The following KIAA1217 variants were observed in gnomAD, a reference collection of about 807,000 sequenced individuals.
KIAA1217 encodes sickle tail protein homolog.
A neutral mutation model predicts 163.9 loss-of-function variants in KIAA1217; 88 were observed. The ratio of observed to expected loss-of-function variants is 0.54; its 90% CI spans 0.45 to 0.64. KIAA1217 has a LOEUF of 0.64. Ranked by LOEUF, KIAA1217 falls within the 30% of genes least tolerant of loss-of-function variation. The pLI, the probability that KIAA1217 is intolerant of heterozygous loss-of-function variation, is 0.00. For synonymous variants in KIAA1217, 903 were observed against 923.1 expected (o/e 0.98, Z 0.39); for missense variants, 2,372 against 2,475.0 (o/e 0.96, Z 0.88).
At chr10:24,275,750 A>C in intron 2 of KIAA1217, 1 of 531,480 alleles carries the variant, frequency 1.9e-6, no homozygotes, top group Non-Finnish European at 3.9e-6. Flanking sequence ...AATGGCACAC[A>C]CTGCAATTAC....
chr10:24,141,845 C>A (rs2064096346), intron 2 of KIAA1217, among the ~76,000 whole-genome samples: 1 of 149,276 alleles, frequency 6.7e-6, no homozygotes, highest in South Asian at 2.2e-4. Context: ...ACCTCCAGAA[C>A]TGTGAGACAT....
chr10:24,231,319 A>T lies in KIAA1217; in HGVS notation c.354+11410A>T, dbSNP rs1177156612. ...TAACGGAGTGCGACTCTGTCTCAAA[A>T]ATAAATAAGTAAATAATAAAGAAGC... On this transcript the variant is annotated intron_variant, in intron 2 of 20. Transcript: ENST00000376454. Among the ~76,000 whole-genome samples the T allele has an allele frequency of 2.6e-5, 4 of 152,144 alleles. No homozygotes were observed. The East Asian group carries it at 7.7e-4, about 29-fold the overall frequency.
chr10:24,097,762 T>A (rs1178233888), intron 2 of KIAA1217, among the ~76,000 whole-genome samples: 1 of 152,090 alleles, frequency 6.6e-6, no homozygotes, highest in Admixed American at 6.5e-5. Context: ...GCATACCTCT[T>A]CCAAATCAGG....
intron 2 of KIAA1217, among the ~76,000 whole-genome samples, chr10:24,164,723 C>T (rs1392888209): frequency 2.0e-5 from 3 of 152,086 alleles, no homozygotes; most frequent in Middle Eastern, 3.2e-3. Context: ...CTTGTGTATC[C>T]CACGTAATTA....
chr10:24,071,944 A>T (rs1009303289), intron 2 of KIAA1217, among the ~76,000 whole-genome samples: 15 of 152,222 alleles, frequency 9.9e-5, no homozygotes, highest in African/African-American at 3.4e-4. Flanking sequence ...AACTTAGTGT[A>T]CAGAATCCTG....
intron 1 of KIAA1217, among the ~76,000 whole-genome samples, chr10:23,971,271 C>T (rs1482160759): frequency 6.6e-6 from 1 of 152,222 alleles, no homozygotes; most frequent in African/African-American, 2.4e-5. Flanking sequence ...TTAAACTCCA[C>T]CATTTTGCAT....
chr10:24,346,403 C>T (rs1490764069), intron 2 of KIAA1217, among the ~76,000 whole-genome samples: 17 of 151,654 alleles, frequency 1.1e-4, no homozygotes, highest in South Asian at 2.1e-4. Flanking sequence ...ACCCAGGAGG[C>T]GGAGCTTGCA....
At chr10:23,794,313 G>A (rs1158690955) in intron 1 of KIAA1217, among the ~76,000 whole-genome samples, 1 of 152,174 alleles carries the variant, frequency 6.6e-6, no homozygotes, top group African/African-American at 2.4e-5. Context: ...CATCAGGGCA[G>A]GGGGTAAAAA....
chr10:24,496,817 A>G (rs2066844382), intron 8 of KIAA1217, among the ~76,000 whole-genome samples: 1 of 152,014 alleles, frequency 6.6e-6, no homozygotes, highest in African/African-American at 2.4e-5. Context: ...TGTTCTAAAA[A>G]CTCTTGTCAA....
At chr10:24,249,613 C>T (rs2074245116) in intron 2 of KIAA1217, among the ~76,000 whole-genome samples, 1 of 152,142 alleles carries the variant, frequency 6.6e-6, no homozygotes, top group African/African-American at 2.4e-5. Context: ...CATGCCAATG[C>T]AATACAATAA....
intron 1 of KIAA1217, among the ~76,000 whole-genome samples, chr10:23,940,174 A>C (rs559181812): frequency 9.2e-5 from 14 of 152,220 alleles, no homozygotes; most frequent in African/African-American, 3.1e-4. Flanking sequence ...AAATTTCAGC[A>C]GTTGGCTGAG....
intron 2 of KIAA1217, among the ~76,000 whole-genome samples, chr10:24,099,765 G>C (rs1185010564): frequency 2.1e-4 from 25 of 118,432 alleles, no homozygotes; most frequent in African/African-American, 8.0e-4. Flanking sequence ...ACAGTCCCCG[G>C]TGTGTGATGT....
At chr10:23,802,674 G>A (rs1836528716) in intron 1 of KIAA1217, among the ~76,000 whole-genome samples, 3 of 152,210 alleles carry the variant, frequency 2.0e-5, no homozygotes. Context: ...ATCAAGTACA[G>A]AGAAGAAACT....
At chr10:24,316,968 G>A (rs578087384) in intron 2 of KIAA1217, among the ~76,000 whole-genome samples, 1 of 152,240 alleles carries the variant, frequency 6.6e-6, no homozygotes, top group South Asian at 2.1e-4. Flanking sequence ...TTTAGTAATA[G>A]TGTTGGAAAA....
intron 2 of KIAA1217, among the ~76,000 whole-genome samples, chr10:24,228,055 A>C (rs1391157226): frequency 6.6e-6 from 1 of 152,034 alleles, no homozygotes; most frequent in Non-Finnish European, 1.5e-5. Context: ...GAGGTGGATC[A>C]CTTAAGTACA....
At chr10:23,817,789 T>A (rs76220644) in intron 1 of KIAA1217, among the ~76,000 whole-genome samples, 2,612 of 151,248 alleles carry the variant, frequency 0.017, 55 homozygotes, top group South Asian at 0.052. Flanking sequence ...GTAATGCAGT[T>A]TTTGTATATG....
In KIAA1217 at chr10:24,433,196, A is replaced by C. The variant is rs1291608806; in HGVS notation, c.752+3A>C. ...TATTATGAATTAAATGATGTAAGGT[A>C]AGTTGTGACATCATTTTTTGCCTGC... On this transcript the variant is annotated splice_donor_region_variant and intron_variant, in intron 4 of 20. Transcript: ENST00000376454. 6.2e-7 allele frequency: 1 copy of C among 1,602,100 alleles called. No individual in the cohort carries two copies. Among genetic ancestry groups the C allele is most frequent in the East Asian group, 2.2e-5 (1 of 44,742 alleles).
At chr10:24,209,360 GA>G (rs397774795) in intron 1 of KIAA1217, 97 bp downstream of exon 1, 35,609 of 571,432 alleles carry the variant, frequency 0.062, no homozygotes, top group East Asian at 0.11. Context: ...CCCGGCAAAG[GA>G]AAAAAAAAAA....
At chr10:23,850,622 G>A (rs1839264794) in intron 1 of KIAA1217, among the ~76,000 whole-genome samples, 1 of 152,042 alleles carries the variant, frequency 6.6e-6, no homozygotes, top group Non-Finnish European at 1.5e-5. Context: ...ACAAGATTTG[G>A]TAGTGCTTTC....
Sources: allele counts gnomAD v4.1 joint callset (sites outside exome capture counted in the v4.1 genomes callset), GRCh38; gene constraint gnomAD v4.1.1; transcripts MANE v1.5; gene names NCBI Gene and HGNC (gene_info 2026-07-23, HGNC 2026-07-21).